Variants in GCM1 observed in about 807,000 individuals in gnomAD.
The protein encoded by GCM1 is GCM transcription factor 1, also known as chorion-specific transcription factor GCMa.
A neutral mutation model predicts 25.7 loss-of-function variants in GCM1; 2 were observed. That is an observed-to-expected ratio of 0.08 (90% CI 0.03 to 0.24). The LOEUF is 0.24. Among genes scored for constraint, GCM1 ranks in the 10% least tolerant of loss-of-function variants. GCM1 has a pLI of 1.00. For missense variants in GCM1, 395 were observed against 538.7 expected, an observed-to-expected ratio of 0.73 and a Z score of 2.64; for synonymous variants, 183 against 195.7, an observed-to-expected ratio of 0.94 and a Z score of 0.54.
At position 53,132,123 on chromosome 6, in the gene GCM1, C is replaced by T. The variant is rs761017453; in HGVS notation, c.329-4G>A. 1.3e-6 allele frequency: 2 copies of T among 1,586,624 alleles called. No individual in the cohort carries two copies. Among genetic ancestry groups the T allele is most frequent in the Non-Finnish European group, 8.7e-7 (1 of 1,154,994 alleles). On this transcript the variant is annotated splice_polypyrimidine_tract_variant and splice_region_variant and intron_variant, in intron 3 of 5. Coordinates refer to ENST00000259803, the MANE Select transcript of GCM1 (RefSeq NM_003643.4). ...TCACAGTTGGGACAGCGTTTCCCTA[C>T]AAAAGAGCAGAGGAAAATGACCACA...
In GCM1 at chr6:53,128,028, CAAAAAAAAA is replaced by C. The variant is rs1223691364; in HGVS notation, c.*169_*177del. 40 of 66,442 alleles carry C rather than the reference CAAAAAAAAA, an allele frequency of 6.0e-4. No individual in the cohort carries two copies. The East Asian group carries it at 0.011, about 19-fold the overall frequency. The allele number at this position is 66,442 out of a possible 1,614,324, so 4.1% of individuals were successfully genotyped here. A position where few individuals can be genotyped will look rare whatever the true frequency, so the allele number is the denominator to read the frequency against. ...TGGGCAAAAGAGCAAGACTCTGTCT[CAAAAAAAAA>C]AAAAAAAAAAAAAAAAGAAGGAAAA... On this transcript the variant is annotated 3_prime_UTR_variant, in exon 6 of 6. Transcript: ENST00000259803.
intron 2 of GCM1, among the ~76,000 whole-genome samples, chr6:53,138,342 G>C (rs1026582821): frequency 1.3e-5 from 2 of 150,386 alleles, no homozygotes; most frequent in East Asian, 3.9e-4. Flanking sequence ...AACATTACTA[G>C]GAGTAAATAT....
In GCM1 at chr6:53,132,154, C is replaced by A. The variant is rs372176840; in HGVS notation, c.329-35G>T. 521 of 1,315,456 alleles carry A rather than the reference C, an allele frequency of 4.0e-4. 3 individuals are homozygous for A. The African/African-American group carries it at 6.8e-3, about 17-fold the overall frequency. 81.5% of individuals were successfully genotyped at this position (1,315,456 alleles called of 1,614,324 possible). On this transcript the variant is annotated intron_variant, in intron 3 of 5. Coordinates refer to ENST00000259803, the MANE Select transcript of GCM1 (RefSeq NM_003643.4). ...AGCAGAGGAAAATGACCACACCTGG[C>A]TGAACCATGTCGGTTGTTGACTCCT...
chr6:53,145,665 T>TC lies in GCM1; in HGVS notation c.-34_-33insG. 1 of 1,212,792 alleles carries TC rather than the reference T, an allele frequency of 8.2e-7. No individual in the cohort carries two copies. The highest frequency in any genetic ancestry group is 1.9e-4 in the Middle Eastern group (1 of 5,302). 75.1% of individuals were successfully genotyped at this position (1,212,792 alleles called of 1,614,324 possible). A position where few individuals can be genotyped will look rare whatever the true frequency, so the allele number is the denominator to read the frequency against. ...TCAGGCCAGCCAAGGTTTTCACCTA[T>TC]TCGACTCCCCTCAGAAATGCTTGAG... On this transcript the variant is annotated 5_prime_UTR_variant, in exon 2 of 6. Coordinates refer to ENST00000259803, the MANE Select transcript of GCM1 (RefSeq NM_003643.4).
Position 53,128,528 on chromosome 6 carries a change from G to A in GCM1, c.989C>T (p.Ser330Phe). ...GTAAAAGGGTTCTGAAGAGTTTTGG[G>A]AAGGAGAGAAGCTGCAAGGCCAGCT... ...LTSWPCSFSP[S>F]QNSSEPFYQQ... The change falls in exon 6 of 6, where the codon TCC (serine) becomes TTC (phenylalanine). Residue 330 changes from serine (S) to phenylalanine (F), a missense_variant. Around this residue, in one of 5 missense-constraint regions of GCM1, gnomAD observed 291 missense variants for 314.6 expected, o/e 0.92. Coordinates refer to ENST00000259803, the MANE Select transcript of GCM1 (RefSeq NM_003643.4). 6.2e-7 allele frequency: 1 copy of A among 1,614,054 alleles called. No homozygotes were observed. The highest frequency in any genetic ancestry group is 2.2e-5 in the East Asian group (1 of 44,884).
chr6:53,127,920 T>A lies in GCM1; in HGVS notation c.*286A>T, dbSNP rs185607092. ...GGCAGGTGCCTGTAATCCCAGCTAC[T>A]CGGGAGGCTGACGCAGGAGAATCAC... On this transcript the variant is annotated 3_prime_UTR_variant, in exon 6 of 6. Transcript: ENST00000259803. 6.6e-4 allele frequency: 143 copies of A among 218,058 alleles called. No individual in the cohort carries two copies. The highest frequency in any genetic ancestry group is 3.1e-3 in the African/African-American group (132 of 42,234). The allele number at this position is 218,058 out of a possible 1,614,324, so 13.5% of individuals were successfully genotyped here.
chr6:53,129,430 C>T (rs1361113129), intron 5 of GCM1, among the ~76,000 whole-genome samples: 8 of 152,180 alleles, frequency 5.3e-5, no homozygotes, highest in East Asian at 1.9e-4. Context: ...CCTGCCACCA[C>T]GCCCAGCTAA....
chr6:53,127,016 C>T lies in GCM1; in HGVS notation c.*1190G>A, dbSNP rs900414520. 1 of 152,070 alleles carries T rather than the reference C, an allele frequency of 6.6e-6. No individual in the cohort carries two copies. 9.4% of individuals were successfully genotyped at this position (152,070 alleles called of 1,614,324 possible). On this transcript the variant is annotated 3_prime_UTR_variant, in exon 6 of 6. Transcript: ENST00000259803. ...GTTCTCTCCAGATTTTATGTCTAGG[C>T]TTACTTTTATCATAAAGTACTTCAG...
At chr6:53,135,683 T>A (rs1232118791) in intron 2 of GCM1, among the ~76,000 whole-genome samples, 1 of 152,166 alleles carries the variant, frequency 6.6e-6, no homozygotes, top group African/African-American at 2.4e-5. Context: ...TGTAAGAACA[T>A]TTTTCATCTA....
At chr6:53,130,091 C>G (rs1371978003) in intron 5 of GCM1, among the ~76,000 whole-genome samples, 1 of 152,118 alleles carries the variant, frequency 6.6e-6, no homozygotes, top group Non-Finnish European at 1.5e-5. Context: ...GGGGGGCTTG[C>G]ATTTCCCTAC....
intron 2 of GCM1, among the ~76,000 whole-genome samples, chr6:53,135,849 C>T (rs966905491): frequency 2.6e-5 from 4 of 152,184 alleles, no homozygotes; most frequent in African/African-American, 4.8e-5. Context: ...TCAGGATTGA[C>T]GGGCATTTAC....
At chr6:53,136,729 C>T (rs969631006) in intron 2 of GCM1, among the ~76,000 whole-genome samples, 15 of 152,134 alleles carry the variant, frequency 9.9e-5, no homozygotes, top group African/African-American at 3.6e-4. Context: ...AATCCCAGCA[C>T]GTTGGGAGGC....
rs759783077 is a variant in GCM1 at position 53,145,677 on chromosome 6, C to T, written c.-45G>A. ...AGGTTTTCACCTATTCGACTCCCCT[C>T]AGAAATGCTTGAGAATTTTGTTCTC... On this transcript the variant is annotated 5_prime_UTR_variant, in exon 2 of 6. Coordinates refer to ENST00000259803, the MANE Select transcript of GCM1 (RefSeq NM_003643.4). 15 of 1,071,726 alleles carry T rather than the reference C, an allele frequency of 1.4e-5. No individual in the cohort carries two copies. The South Asian group carries it at 1.9e-4, about 14-fold the overall frequency. The allele number at this position is 1,071,726 out of a possible 1,614,324, so 66.4% of individuals were successfully genotyped here.
intron 4 of GCM1, among the ~76,000 whole-genome samples, chr6:53,131,552 G>A (rs2127508244): frequency 6.6e-6 from 1 of 152,302 alleles, no homozygotes; most frequent in Non-Finnish European, 1.5e-5. Context: ...TTCAAACCCA[G>A]GCAGTCTGAG....
At chr6:53,142,257 G>A (rs1321908835) in intron 2 of GCM1, among the ~76,000 whole-genome samples, 1 of 152,088 alleles carries the variant, frequency 6.6e-6, no homozygotes, top group African/African-American at 2.4e-5. Context: ...ACAAGCCATT[G>A]CATTTGATCC....
rs1394813841 is a variant in GCM1, at chr6:53,132,164, T to C, written c.329-45A>G. On this transcript the variant is annotated intron_variant, in intron 3 of 5. Transcript: ENST00000259803. ...AATGACCACACCTGGCTGAACCATG[T>C]CGGTTGTTGACTCCTGTGCAGTCTT... 3 of 1,229,876 alleles carry C rather than the reference T, an allele frequency of 2.4e-6. No homozygotes were observed. The South Asian group carries it at 3.6e-5, about 15-fold the overall frequency. The allele number at this position is 1,229,876 out of a possible 1,614,324, so 76.2% of individuals were successfully genotyped here.
At chr6:53,138,342 G>A (rs1026582821) in intron 2 of GCM1, among the ~76,000 whole-genome samples, 5 of 150,386 alleles carry the variant, frequency 3.3e-5, no homozygotes. Context: ...AACATTACTA[G>A]GAGTAAATAT....
At position 53,127,145 on chromosome 6, in the gene GCM1, C is replaced by G. The variant is rs1763651931; in HGVS notation, c.*1061G>C. 6.6e-6 allele frequency: 1 copy of G among 152,134 alleles called. No homozygotes were observed. Among genetic ancestry groups the G allele is most frequent in the Non-Finnish European group, 1.5e-5 (1 of 68,024 alleles). The allele number at this position is 152,134 out of a possible 1,614,324, so 9.4% of individuals were successfully genotyped here. On this transcript the variant is annotated 3_prime_UTR_variant, in exon 6 of 6. Coordinates refer to ENST00000259803, the MANE Select transcript of GCM1 (RefSeq NM_003643.4). The stretch of plus-strand genomic sequence containing the variant: ...TATTTCTCACCTATTACAAACCCCA[C>G]ATTGATATAGGTGCCACAAATAATA...
chr6:53,147,481 T>G (rs1368842225), intron 1 of GCM1, among the ~76,000 whole-genome samples: 1 of 145,326 alleles, frequency 6.9e-6, no homozygotes, highest in East Asian at 2.0e-4. Flanking sequence ...CAGGCTGGAG[T>G]GCAGTGGCGC....
Sources: allele counts gnomAD v4.1 joint callset (sites outside exome capture counted in the v4.1 genomes callset), GRCh38; gene constraint gnomAD v4.1.1; regional missense constraint gnomAD v4.1.1; transcripts MANE v1.5; gene names NCBI Gene and HGNC (gene_info 2026-07-23, HGNC 2026-07-21).